Variants in HSPBP1 observed in about 807,000 individuals in gnomAD.
HSPBP1 encodes the protein hsp70-binding protein 1.
In HSPBP1, 31 loss-of-function variants were observed where a neutral mutation model predicts 41.7. That is an observed-to-expected ratio of 0.74 (90% CI 0.56 to 1.00). The LOEUF (loss-of-function observed/expected upper bound fraction) is 1.00, where lower values mean the gene tolerates loss of function less well. HSPBP1 is among the 50% of genes least tolerant of loss of function. HSPBP1 has a pLI of 0.00. For missense variants in HSPBP1, 439 were observed against 487.9 expected (o/e 0.90, Z 0.94); for synonymous variants, 199 against 214.4 (o/e 0.93, Z 0.63).
chr19:55,271,904 CAA>C (rs1200190328), intron 4 of HSPBP1, among the ~76,000 whole-genome samples: 2 of 151,518 alleles, frequency 1.3e-5, no homozygotes, highest in East Asian at 1.9e-4. Context: ...ACTAAAAGTA[CAA>C]AAAAAATTAG....
At chr19:55,269,951 A>T (rs982072146) in intron 4 of HSPBP1, among the ~76,000 whole-genome samples, 2 of 152,192 alleles carry the variant, frequency 1.3e-5, no homozygotes, top group Non-Finnish European at 2.9e-5. Flanking sequence ...GTGGCTCCAC[A>T]GAGGGCGAGC....
rs1047514314 is a variant in HSPBP1 at position 55,270,255 on chromosome 19, C to T, written c.641-3969G>A. 5.9e-5 allele frequency among the ~76,000 whole-genome samples: 9 copies of T among 152,356 alleles called. No homozygotes were observed. The highest frequency in any genetic ancestry group is 4.6e-4 in the Admixed American group (7 of 15,310). On this transcript the variant is annotated intron_variant, in intron 4 of 7. Transcript: ENST00000433386. This position sits in a 1 kb window ranked among gnomAD's most constrained non-coding sequence, Gnocchi z 5.4. ...CTTTCGCTGGGGAAGCCGACCACCA[C>T]GTGGTGAGGCCGCTCACGCAGCCCG... is the stretch of plus-strand genomic sequence containing the variant.
chr19:55,267,181 G>A (rs1028105993), intron 4 of HSPBP1, among the ~76,000 whole-genome samples: 3 of 151,660 alleles, frequency 2.0e-5, no homozygotes, highest in Admixed American at 6.6e-5. Flanking sequence ...ATGGACTCTC[G>A]TTCTGTTGCC....
At position 55,279,517 on chromosome 19, in the gene HSPBP1, G is replaced by T; in HGVS notation, c.92C>A (p.Ser31Tyr). ...GGAATTGCCCGAGCCCCCAGCCGAG[G>T]AGCCGCCGCCGCCGCCCCCTGAAGA... The part of the protein sequence containing the change: ...GCSSGGGGGG[S>Y]SAGGSGNSRP... The change falls in exon 2 of 8, where the codon TCC (serine) becomes TAC (tyrosine). Residue 31 changes from serine (S) to tyrosine (Y), a missense_variant. Ser to Tyr is a moderately radical substitution (Grantham distance 144). Transcript: ENST00000433386. The T allele has an allele frequency of 1.1e-6, 1 of 927,918 alleles. No homozygotes were observed. The highest frequency in any genetic ancestry group is 1.6e-6 in the Non-Finnish European group (1 of 643,700). The allele number at this position is 927,918 out of a possible 1,614,324, so 57.5% of individuals were successfully genotyped here.
Position 55,262,515 on chromosome 19 carries a change from C to T in HSPBP1, c.*93G>A. On this transcript the variant is annotated 3_prime_UTR_variant, in exon 8 of 8. Coordinates refer to ENST00000433386, the MANE Select transcript of HSPBP1 (RefSeq NM_012267.5). ...CACACCCTGGGTCCAGGCACCTAGG[C>T]CCTGCGATCCCTTGGGAGAGGGCCT... is the stretch of plus-strand genomic sequence containing the variant. The T allele has an allele frequency of 2.6e-6, 4 of 1,552,642 alleles. No homozygotes were observed. In the South Asian group the frequency reaches 3.6e-5, roughly 14 times the overall value.
chr19:55,271,245 C>G (rs1013485432), intron 4 of HSPBP1, among the ~76,000 whole-genome samples: 1 of 151,640 alleles, frequency 6.6e-6, no homozygotes, highest in Non-Finnish European at 1.5e-5. Context: ...GGGTCTCACT[C>G]TGTCACCCAG....
intron 4 of HSPBP1, among the ~76,000 whole-genome samples, chr19:55,273,046 G>A (rs1276480800): frequency 6.6e-6 from 1 of 152,268 alleles, no homozygotes; most frequent in East Asian, 1.9e-4. Flanking sequence ...ACGCAGGCTG[G>A]AGATGCAATC....
Position 55,271,541 on chromosome 19 carries a change from C to T in HSPBP1, c.640+2857G>A, listed in dbSNP as rs1227529325. Among the ~76,000 whole-genome samples the T allele has an allele frequency of 3.3e-5, 5 of 152,304 alleles. No homozygotes were observed. In the East Asian group the frequency reaches 9.6e-4, roughly 29 times the overall value. On this transcript the variant is annotated intron_variant, in intron 4 of 7. Coordinates refer to ENST00000433386, the MANE Select transcript of HSPBP1 (RefSeq NM_012267.5). Reference sequence around the variant, plus strand: ...GTTTTGGCTGTGACTTTCCAAGTGCCCCTTTCCTTGCCTCATCAGAATGCT... The same window carrying T: ...GTTTTGGCTGTGACTTTCCAAGTGCTCCTTTCCTTGCCTCATCAGAATGCT...
intron 4 of HSPBP1, among the ~76,000 whole-genome samples, 192 bp from the exon 5 acceptor site, chr19:55,266,478 T>TCACCAC (rs1248183514): frequency 1.4e-3 from 1 of 740 alleles, no homozygotes; most frequent in Non-Finnish European, 2.7e-3. Context: ...ACCACCATCC[T>TCACCAC]CACCACCACC....
In HSPBP1 at chr19:55,268,923, G is replaced by C. The variant is rs117602112; in HGVS notation, c.641-2637C>G. On this transcript the variant is annotated intron_variant, in intron 4 of 7. Coordinates refer to ENST00000433386, the MANE Select transcript of HSPBP1 (RefSeq NM_012267.5). The surrounding 1 kb of genome is among the most constrained non-coding windows in gnomAD (Gnocchi z 4.5). The stretch of plus-strand genomic sequence containing the variant: ...TGGCTTCAAGTGATCCACCTGTCTC[G>C]GCCTCCCAAAATGTTGAGATTATAG... Among the ~76,000 whole-genome samples, 7 of 152,056 alleles carry C rather than the reference G, an allele frequency of 4.6e-5. 1 individual carries two copies. The East Asian group carries it at 1.4e-3, about 29-fold the overall frequency.
intron 4 of HSPBP1, among the ~76,000 whole-genome samples, chr19:55,271,036 CCA>C (rs2087912379): frequency 6.6e-6 from 1 of 151,804 alleles, no homozygotes; most frequent in Admixed American, 6.6e-5. Context: ...CACACACACA[CCA>C]CACACACCCA....
chr19:55,267,171 A>C (rs1305341138), intron 4 of HSPBP1, among the ~76,000 whole-genome samples: 4 of 151,866 alleles, frequency 2.6e-5, no homozygotes, highest in African/African-American at 7.3e-5. Flanking sequence ...TCATTTTGAG[A>C]TGGACTCTCG....
chr19:55,271,812 C>A (rs2122849703), intron 4 of HSPBP1, among the ~76,000 whole-genome samples: 1 of 152,302 alleles, frequency 6.6e-6, no homozygotes, highest in African/African-American at 2.4e-5. Context: ...ATAATCCCAG[C>A]ACTTAGGGAG....
At chr19:55,279,764 C>T in intron 1 of HSPBP1, 62 bp from the exon 2 acceptor site, 1 of 1,511,144 alleles carries the variant, frequency 6.6e-7, no homozygotes, top group Non-Finnish European at 8.8e-7. Flanking sequence ...AACCACTCTG[C>T]CCCCAGCCCA....
intron 6 of HSPBP1, 44 bp downstream of exon 6, chr19:55,265,842 G>A (rs373937961): frequency 5.6e-5 from 81 of 1,451,066 alleles, no homozygotes; most frequent in East Asian, 2.9e-4. Flanking sequence ...TTGAGAGGAC[G>A]GGGCCCCCAC....
In HSPBP1 at chr19:55,268,515, C is replaced by CA. The variant is rs1454827747; in HGVS notation, c.641-2230dup. ...GCACTCCACACTACCCCTGAAAACT[C>CA]AGCATGTTGCGATGTGCTTCATTTG... On this transcript the variant is annotated intron_variant, in intron 4 of 7. Transcript: ENST00000433386. This position sits in a 1 kb window ranked among gnomAD's most constrained non-coding sequence, Gnocchi z 4.5. Among the ~76,000 whole-genome samples, 1 of 152,152 alleles carries CA rather than the reference C, an allele frequency of 6.6e-6. No individual in the cohort carries two copies. Among genetic ancestry groups the CA allele is most frequent in the Non-Finnish European group, 1.5e-5 (1 of 68,030 alleles).
chr19:55,279,689 C>T lies in HSPBP1; in HGVS notation c.-81G>A. 1 of 1,540,648 alleles carries T rather than the reference C, an allele frequency of 6.5e-7. No homozygotes were observed. The highest frequency in any genetic ancestry group is 8.7e-7 in the Non-Finnish European group (1 of 1,146,612). ...AAGCAGCTCTGGCGTCCTGATGGGT[C>T]GATTCTTGAGGGTCTGCTGAGAAGG... is the stretch of plus-strand genomic sequence containing the variant. On this transcript the variant is annotated 5_prime_UTR_variant, in exon 2 of 8. Transcript: ENST00000433386.
Position 55,265,381 on chromosome 19 carries a change from G to A in HSPBP1, c.902C>T (p.Thr301Ile), listed in dbSNP as rs757206166. The change falls in exon 7 of 8, where the codon ACA (threonine) becomes ATA (isoleucine). Residue 301 changes from threonine to isoleucine, a missense_variant. Transcript: ENST00000433386. ...CTCGCGCACACCCTGCGGAAAGTCT[G>A]TCACCAGGCTGTGAGGGACATGACA... ...HVLGALCSLV[T>I]DFPQGVRECR... 10 of 1,613,064 alleles carry A rather than the reference G, an allele frequency of 6.2e-6. No individual in the cohort carries two copies. The highest frequency in any genetic ancestry group is 1.1e-5 in the South Asian group (1 of 91,070).
intron 7 of HSPBP1, 143 bp from the exon 8 acceptor site, chr19:55,262,825 C>G (rs527701437): frequency 1.4e-6 from 1 of 694,520 alleles, no homozygotes; most frequent in Admixed American, 2.5e-5. Flanking sequence ...CTTTTTTAAT[C>G]ACTGCTCAGA....
Sources: gnomAD v4.1 joint callset for allele counts (sites outside exome capture counted in the v4.1 genomes callset) on GRCh38, gnomAD v4.1.1 for gene constraint, Gnocchi (gnomAD v3.1) non-coding constraint, MANE v1.5 for transcripts, NCBI Gene and HGNC (gene_info 2026-07-23, HGNC 2026-07-21) for gene names.